Variants in RP1 observed in about 807,000 individuals in gnomAD.
The protein encoded by RP1 is RP1 axonemal microtubule associated, also known as oxygen-regulated protein 1.
Under a neutral mutation model 14.8 loss-of-function variants are expected in RP1, and 16 were observed. That is an observed-to-expected ratio of 1.08 (90% confidence interval 0.73 to 1.65). The LOEUF is 1.65. RP1 is among the 40% of genes most tolerant of loss of function. The pLI is 0.00. For missense variants in RP1, 2,631 were observed against 2,535.0 expected (o/e 1.04, Z -0.81); for synonymous variants, 876 against 883.6 (o/e 0.99, Z 0.15).
chr8:54,804,757 G>A (rs1364264457), intron 24 of RP1, among the ~76,000 whole-genome samples: 1 of 152,126 alleles, frequency 6.6e-6, no homozygotes, highest in Admixed American at 6.5e-5. Flanking sequence ...CAGATGCAAG[G>A]ATTTGGGTAG....
intron 1 of RP1, among the ~76,000 whole-genome samples, chr8:54,618,500 C>T (rs1805778577): frequency 6.6e-6 from 1 of 152,048 alleles, no homozygotes; most frequent in African/African-American, 2.4e-5. Context: ...CATTAAGAGC[C>T]TCATGATGCA....
intron 1 of RP1, among the ~76,000 whole-genome samples, chr8:54,569,116 C>T (rs1170472939): frequency 6.6e-6 from 1 of 152,132 alleles, no homozygotes; most frequent in Non-Finnish European, 1.5e-5. Context: ...AAGTTACGTT[C>T]CCAGGAGAGC....
chr8:54,755,624 A>T lies in RP1; in HGVS notation c.2947A>T (p.Arg983Ter), dbSNP rs1459616283. ...TCTCCCTGTTGCTTTGCCAGTAGTG[A>T]GATACCAGGTTGACGTCTACACTGG... The change falls in exon 21 of 23, where the codon AGA becomes TGA. Residue 983 changes from arginine (R) to a stop codon, truncating the protein, a stop_gained. Coordinates refer to the RP1 transcript ENST00000636932. LOFTEE classifies it high-confidence loss of function. The T allele has an allele frequency of 7.8e-6, 12 of 1,535,964 alleles. No homozygotes were observed. Among genetic ancestry groups the T allele is most frequent in the Non-Finnish European group, 1.0e-5 (12 of 1,146,820 alleles).
intron 24 of RP1, among the ~76,000 whole-genome samples, chr8:54,834,124 G>A (rs953381694): frequency 3.9e-5 from 6 of 151,984 alleles, no homozygotes; most frequent in African/African-American, 1.4e-4. Context: ...GACTAAAGAC[G>A]TAAGACTGAA....
downstream of RP1, among the ~76,000 whole-genome samples, chr8:54,774,399 C>G (rs926819297): frequency 7.9e-5 from 12 of 152,136 alleles, no homozygotes; most frequent in Admixed American, 3.9e-4. Flanking sequence ...TTAATGAATT[C>G]CAGCAGGGCT....
rs1022009199 is a variant in RP1 at position 54,616,117 on chromosome 8, G to T, written c.-98G>T. 3 of 152,188 alleles carry T rather than the reference G, an allele frequency of 2.0e-5. No homozygotes were observed. The highest frequency in any genetic ancestry group is 7.2e-5 in the African/African-American group (3 of 41,442). The allele number at this position is 152,188 out of a possible 1,614,324, so 9.4% of individuals were successfully genotyped here. A position where few individuals can be genotyped will look rare whatever the true frequency, so the allele number is the denominator to read the frequency against. ...CATTAGTTTCTTTGCACGAAATGAG[G>T]TTACATATCCAGTGACATTTATTTG... On this transcript the variant is annotated 5_prime_UTR_variant, in exon 1 of 4. Coordinates refer to ENST00000220676, the MANE Select transcript of RP1 (RefSeq NM_006269.2).
chr8:54,756,692 C>T (rs1809514670), intron 21 of RP1, among the ~76,000 whole-genome samples: 1 of 152,174 alleles, frequency 6.6e-6, no homozygotes, highest in Admixed American at 6.5e-5. Context: ...AAGTGATCTC[C>T]TACAGAACCG....
intron 24 of RP1, among the ~76,000 whole-genome samples, chr8:54,806,479 A>G (rs1228488825): frequency 6.6e-6 from 1 of 152,198 alleles, no homozygotes; most frequent in East Asian, 1.9e-4. Flanking sequence ...GCAAAATGAC[A>G]TAACTGCTTT....
chr8:54,706,613 A>T, exon 15 of RP1: 1 of 1,536,136 alleles, frequency 6.5e-7, no homozygotes, highest in African/African-American at 1.4e-5. Flanking sequence ...TGAAAAATGC[A>T]CAAATGTATC....
intron 12 of RP1, among the ~76,000 whole-genome samples, chr8:54,698,272 A>G (rs1230795950): frequency 6.6e-6 from 1 of 152,260 alleles, no homozygotes; most frequent in Non-Finnish European, 1.5e-5. Flanking sequence ...TGCAGCCAAC[A>G]AACTTATGAA....
chr8:54,863,120 A>T (rs1812388189), intron 27 of RP1, among the ~76,000 whole-genome samples: 1 of 146,664 alleles, frequency 6.8e-6, no homozygotes, highest in African/African-American at 2.5e-5. Context: ...GTTAACGTGG[A>T]CCACATATAT....
chr8:54,561,776 A>G (rs1170387242), intron 1 of RP1: 1 of 152,234 alleles, frequency 6.6e-6, no homozygotes, highest in Non-Finnish European at 1.5e-5. Context: ...TATTGCTGGA[A>G]CATTCTATGG....
At chr8:54,584,276 A>G (rs1029022800) in intron 1 of RP1, among the ~76,000 whole-genome samples, 1 of 152,198 alleles carries the variant, frequency 6.6e-6, no homozygotes, top group East Asian at 1.9e-4. Context: ...GTCATTCAGG[A>G]GCAGATTGTC....
chr8:54,828,663 A>T (rs1288653553), intron 24 of RP1, among the ~76,000 whole-genome samples: 5 of 152,050 alleles, frequency 3.3e-5, no homozygotes, highest in Non-Finnish European at 5.9e-5. Context: ...ACAGACTATG[A>T]CATTATCATT....
intron 24 of RP1, among the ~76,000 whole-genome samples, chr8:54,823,868 G>A (rs1380787778): frequency 6.6e-6 from 1 of 152,148 alleles, no homozygotes; most frequent in Non-Finnish European, 1.5e-5. Context: ...AACTGTCAAA[G>A]TATTTTCCAG....
intron 12 of RP1, among the ~76,000 whole-genome samples, chr8:54,687,810 C>T (rs936257018): frequency 6.6e-6 from 1 of 152,106 alleles, no homozygotes; most frequent in African/African-American, 2.4e-5. Flanking sequence ...ACTTATAATC[C>T]TTTGGGTATA....
At chr8:54,715,836 T>C (rs1808392029) in intron 15 of RP1, among the ~76,000 whole-genome samples, 1 of 152,184 alleles carries the variant, frequency 6.6e-6, no homozygotes, top group South Asian at 2.1e-4. Context: ...GTAGATATAC[T>C]AAGACATGCT....
At chr8:54,586,413 G>T (rs1316030887) in intron 1 of RP1, among the ~76,000 whole-genome samples, 4 of 152,218 alleles carry the variant, frequency 2.6e-5, no homozygotes, top group Non-Finnish European at 5.9e-5. Context: ...CCCTACTGGG[G>T]GGTGCCTCCC....
intron 1 of RP1, among the ~76,000 whole-genome samples, chr8:54,568,528 T>C (rs1234374875): frequency 6.6e-6 from 1 of 152,230 alleles, no homozygotes; most frequent in Non-Finnish European, 1.5e-5. Flanking sequence ...GATGTTTCTG[T>C]ACCTTTAGTG....
Sources: gnomAD v4.1 joint callset for allele counts (sites outside exome capture counted in the v4.1 genomes callset) on GRCh38, gnomAD v4.1.1 for gene constraint, MANE v1.5 for transcripts, NCBI Gene and HGNC (gene_info 2026-07-23, HGNC 2026-07-21) for gene names.